The following RFX2 variants were observed in gnomAD, a reference collection of about 807,000 sequenced individuals.
RFX2 encodes the protein DNA-binding protein RFX2.
Under a neutral mutation model 87.8 loss-of-function variants are expected in RFX2, and 20 were observed. The observed-to-expected ratio is 0.23, with a 90% CI of 0.16 to 0.33. The LOEUF is 0.33. Among genes scored for constraint, RFX2 ranks in the 10% least tolerant of loss-of-function variants. The pLI, the probability that RFX2 is intolerant of heterozygous loss-of-function variation, is 1.00. For missense variants in RFX2, 767 were observed against 1,012.3 expected, an observed-to-expected ratio of 0.76 and a Z score of 3.29; for synonymous variants, 397 against 431.3, an observed-to-expected ratio of 0.92 and a Z score of 0.98.
At chr19:6,034,511 GCCA>G (rs1165545377) in intron 5 of RFX2, among the ~76,000 whole-genome samples, 40 of 152,168 alleles carry the variant, frequency 2.6e-4, no homozygotes, top group African/African-American at 8.9e-4. Flanking sequence ...ACAGGCATGA[GCCA>G]CCATACCAGC....
intron 1 of RFX2, chr19:6,072,837 A>T (rs991867364): frequency 5.5e-6 from 7 of 1,281,688 alleles, no homozygotes; most frequent in Non-Finnish European, 7.8e-6. Flanking sequence ...CCGCCCTCAG[A>T]CCCCTCGTGA....
rs996741419 is a variant in RFX2 at position 6,022,629 on chromosome 19, G to A, written c.597+3534C>T. Among the ~76,000 whole-genome samples, 1 of 152,210 alleles carries A rather than the reference G, an allele frequency of 6.6e-6. No homozygotes were observed. Among genetic ancestry groups the A allele is most frequent in the African/African-American group, 2.4e-5 (1 of 41,450 alleles). ...GAAGACATGTTTCATCCCCAGCCCC[G>A]GCTCCGTCCCCTTCCCTCTGGAAGA... On this transcript the variant is annotated intron_variant, in intron 6 of 17. Coordinates refer to ENST00000303657, the MANE Select transcript of RFX2 (RefSeq NM_000635.4). This position sits in a 1 kb window ranked among gnomAD's most constrained non-coding sequence, Gnocchi z 6.2.
chr19:6,078,201 T>C (rs1164361575), intron 1 of RFX2: 1 of 152,026 alleles, frequency 6.6e-6, no homozygotes, highest in Non-Finnish European at 1.5e-5. Context: ...AAGTGGCTGT[T>C]CATGGCAGGT....
chr19:6,028,359 A>C (rs2086916269), intron 5 of RFX2, among the ~76,000 whole-genome samples: 1 of 152,194 alleles, frequency 6.6e-6, no homozygotes, highest in African/African-American at 2.4e-5. Context: ...CATTGAAAAA[A>C]CTTGGCCTCA....
At chr19:6,088,149 C>A (rs1431560855) in intron 1 of RFX2, among the ~76,000 whole-genome samples, 1 of 151,828 alleles carries the variant, frequency 6.6e-6, no homozygotes, top group Non-Finnish European at 1.5e-5. Flanking sequence ...AAGCCTAACC[C>A]AGGCTGGCCA....
chr19:6,091,317 C>A (rs1410486137), intron 1 of RFX2, among the ~76,000 whole-genome samples: 2 of 152,012 alleles, frequency 1.3e-5, no homozygotes, highest in South Asian at 2.1e-4. Context: ...ATAGTGAGAC[C>A]TTGTCTCTAC....
intron 1 of RFX2, among the ~76,000 whole-genome samples, chr19:6,065,052 T>TA (rs980049424): frequency 9.2e-5 from 14 of 152,060 alleles, no homozygotes; most frequent in African/African-American, 1.4e-4. Context: ...ATGATAAATT[T>TA]AAAAAAAATT....
At chr19:6,003,926 A>G (rs2144677431) in intron 13 of RFX2, among the ~76,000 whole-genome samples, 1 of 152,094 alleles carries the variant, frequency 6.6e-6, no homozygotes, top group East Asian at 1.9e-4. Flanking sequence ...CACAGCAAGG[A>G]GATTAAATTT....
chr19:6,040,008 G>A lies in RFX2; in HGVS notation c.494C>T (p.Ala165Val), dbSNP rs1397810498. ...GGMDSTRHSLAHTSRSSPATL... is the reference protein window; with the variant it reads ...GGMDSTRHSLVHTSRSSPATL... ...GGCGGGCGATGAGCGGGAGGTGTGG[G>A]CCAGGGAGTGTCTGGTGCTGTCCAT... Residue 165 changes from alanine (A) to valine (V), a missense_variant, in exon 5 of 18, where the codon GCC (alanine) becomes GTC (valine). Ala to Val is a moderately conservative substitution (Grantham distance 64, BLOSUM62 0). Transcript: ENST00000303657. The surrounding 1 kb of genome is among the most constrained non-coding windows in gnomAD (Gnocchi z 6.1). 1 of 1,599,862 alleles carries A rather than the reference G, an allele frequency of 6.3e-7. No individual in the cohort carries two copies. Among genetic ancestry groups the A allele is most frequent in the Non-Finnish European group, 8.5e-7 (1 of 1,172,582 alleles).
At chr19:6,035,850 G>GGGGGGTGTGTGT (rs1555776252) in intron 5 of RFX2, among the ~76,000 whole-genome samples, 3 of 137,166 alleles carry the variant, frequency 2.2e-5, no homozygotes, top group African/African-American at 9.1e-5. Context: ...CTTGGTGGGG[G>GGGGGGTGTGTGT]GTGTGTGTGT....
intron 1 of RFX2, among the ~76,000 whole-genome samples, chr19:6,082,305 A>G (rs908182889): frequency 6.6e-6 from 1 of 151,826 alleles, no homozygotes; most frequent in Non-Finnish European, 1.5e-5. Context: ...AAAAAAAAAA[A>G]AAAAAAAATG....
chr19:6,109,760 C>G (rs192797533), intron 1 of RFX2, among the ~76,000 whole-genome samples: 2 of 151,026 alleles, frequency 1.3e-5, no homozygotes, highest in Admixed American at 1.3e-4. Context: ...AGAGGGGTCC[C>G]CGGGTGTCCC....
At chr19:6,100,368 C>A (rs544363525) in intron 1 of RFX2, among the ~76,000 whole-genome samples, 2 of 152,072 alleles carry the variant, frequency 1.3e-5, no homozygotes, top group East Asian at 3.9e-4. Flanking sequence ...CTCAAAGAGA[C>A]ATGACAAGGC....
At position 5,998,268 on chromosome 19, in the gene RFX2, G is replaced by A. The variant is rs1434417116; in HGVS notation, c.1860-1055C>T. ...GGCTGCAGTGAGCCGAGATCATGTCGCTGCACTCTAGCCTGGGTGACAGAG... is the reference window on the plus strand; with the variant it reads ...GGCTGCAGTGAGCCGAGATCATGTCACTGCACTCTAGCCTGGGTGACAGAG... On this transcript the variant is annotated intron_variant, in intron 15 of 17. Coordinates refer to ENST00000303657, the MANE Select transcript of RFX2 (RefSeq NM_000635.4). The surrounding 1 kb of genome is among the most constrained non-coding windows in gnomAD (Gnocchi z 4.2). Among the ~76,000 whole-genome samples the A allele has an allele frequency of 6.6e-6, 1 of 152,022 alleles. No individual in the cohort carries two copies. The highest frequency in any genetic ancestry group is 1.9e-4 in the East Asian group (1 of 5,190).
intron 4 of RFX2, among the ~76,000 whole-genome samples, chr19:6,041,669 C>A (rs2087109372): frequency 1.4e-5 from 2 of 146,586 alleles, no homozygotes; most frequent in East Asian, 4.0e-4. Context: ...TCTGTGATTT[C>A]TGAAATCTCC....
intron 16 of RFX2, 101 bp downstream of exon 16, chr19:5,996,959 T>C (rs1200977971): frequency 7.9e-7 from 1 of 1,265,642 alleles, no homozygotes; most frequent in South Asian, 1.5e-5. Flanking sequence ...GGCAGAGCAG[T>C]GGGACCTGCG....
intron 1 of RFX2, among the ~76,000 whole-genome samples, chr19:6,062,264 T>C (rs683305): frequency 0.25 from 37,963 of 152,168 alleles, 8,901 homozygotes; most frequent in African/African-American, 0.63. Context: ...GCAGCGGCAG[T>C]AGCTGGTGGC....
rs1406022145 is a variant in RFX2 at position 5,994,784 on chromosome 19, A to G, written c.*51T>C. On this transcript the variant is annotated 3_prime_UTR_variant, in exon 18 of 18. Coordinates refer to ENST00000303657, the MANE Select transcript of RFX2 (RefSeq NM_000635.4). ...GAGCCGGTGAAATCCAGGTTCCCAG[A>G]GTGACCAGGCGGCATCTTTTGGAAC... The G allele has an allele frequency of 3.3e-6, 4 of 1,225,302 alleles. No individual in the cohort carries two copies. The highest frequency in any genetic ancestry group is 1.2e-5 in the South Asian group (1 of 81,348). The allele number at this position is 1,225,302 out of a possible 1,614,324, so 75.9% of individuals were successfully genotyped here.
intron 5 of RFX2, among the ~76,000 whole-genome samples, chr19:6,030,225 A>G (rs2144742214): frequency 6.6e-6 from 1 of 152,336 alleles, no homozygotes; most frequent in Non-Finnish European, 1.5e-5. Flanking sequence ...TGAAAGGCAA[A>G]GACAAAGAGA....
Sources: allele counts gnomAD v4.1 joint callset (sites outside exome capture counted in the v4.1 genomes callset), GRCh38; gene constraint gnomAD v4.1.1; non-coding constraint Gnocchi (gnomAD v3.1); transcripts MANE v1.5; gene names NCBI Gene and HGNC (gene_info 2026-07-23, HGNC 2026-07-21).